Variants in COASY observed in about 807,000 individuals in gnomAD.
The protein encoded by COASY is bifunctional coenzyme A synthase.
COASY carries 31 observed loss-of-function variants against 49.4 expected under a neutral mutation model. The observed-to-expected ratio is 0.63, with a 90% CI of 0.47 to 0.85. The LOEUF is 0.85. Among genes scored for constraint, COASY ranks in the 40% least tolerant of loss-of-function variants. The pLI is 0.00. For missense variants in COASY, 730 were observed against 734.1 expected, an observed-to-expected ratio of 0.99 and a Z score of 0.06; for synonymous variants, 285 against 310.9, an observed-to-expected ratio of 0.92 and a Z score of 0.88.
intron 3 of COASY, 39 bp from the exon 4 acceptor site, chr17:42,564,670 G>A (rs761146097): frequency 2.8e-5 from 43 of 1,530,660 alleles, no homozygotes; most frequent in Non-Finnish European, 3.6e-5. Context: ...TGAGGCTGAG[G>A]GCCCCAGTAA....
intron 1 of COASY, 48 bp from the exon 2 acceptor site, chr17:42,563,913 T>G: frequency 6.7e-7 from 1 of 1,493,984 alleles, no homozygotes. Flanking sequence ...GCCCATACTC[T>G]CCTCCCCAAT....
chr17:42,564,454 G>T lies in COASY; in HGVS notation c.924G>T (p.Glu308Asp), dbSNP rs1350412532. Residue 308 changes from glutamate to aspartate, a missense_variant, in exon 3 of 9, where the codon GAG becomes GAT. Glu to Asp is a conservative substitution (Grantham distance 45). Transcript: ENST00000393818. ...INRFRLENDL[E>D]ELALYQIQLL... ...TTTCCTCTTTACCCCAGGACCTGGA[G>T]GAACTTGCTTTGTACCAGATCCAGC... The T allele has an allele frequency of 1.1e-5, 18 of 1,613,980 alleles. No individual in the cohort carries two copies. Among genetic ancestry groups the T allele is most frequent in the Non-Finnish European group, 1.4e-5 (17 of 1,180,016 alleles).
Position 42,563,310 on chromosome 17 carries a change from G to T in COASY, c.688G>T (p.Asp230Tyr), listed in dbSNP as rs568769350. Residue 230 changes from aspartate to tyrosine, a missense_variant, in exon 1 of 9, where the codon GAT becomes TAT. By Grantham distance (160) the Asp-to-Tyr change is radical (BLOSUM62 -3). Coordinates refer to ENST00000393818, the MANE Select transcript of COASY (RefSeq NM_025233.7). The stretch of plus-strand genomic sequence containing the variant: ...GCTTGTGGTGGGAGTAGCAGACAAA[G>T]ATCTGTTGAAGAGTGAGTAAGAGGG... ...EQLVVGVADKDLLKSKLLPEL... is the reference protein window; with the variant it reads ...EQLVVGVADKYLLKSKLLPEL... 2.7e-5 allele frequency: 43 copies of T among 1,594,398 alleles called. No homozygotes were observed. In the South Asian group the frequency reaches 4.0e-4, roughly 15 times the overall value.
rs1567905539 is a variant in COASY at position 42,564,984 on chromosome 17, T to C, written c.1239T>C (p.Asp413=). Residue 413 remains aspartate (D), a splice_region_variant and synonymous_variant, in exon 5 of 9, where the codon GAT becomes GAC. Transcript: ENST00000393818. The part of the protein sequence containing the change: ...YQPVVEAFGT[D]ILHKDGIINR... ...CAGTTGTCTGTCTGTGTTGTCCAGA[T>C]ATTCTCCATAAAGATGGCATCATCA... is the stretch of plus-strand genomic sequence containing the variant. 6.2e-7 allele frequency: 1 copy of C among 1,614,170 alleles called. No homozygotes were observed. The highest frequency in any genetic ancestry group is 8.5e-7 in the Non-Finnish European group (1 of 1,180,020).
In COASY at chr17:42,566,265, G is replaced by C. The variant is rs145552423; in HGVS notation, c.*297G>C. The stretch of plus-strand genomic sequence containing the variant: ...TGGAACCTGTAACAGAATTAAAGGT[G>C]AATGTTCTGAGATGTTGCTTGTATG... On this transcript the variant is annotated 3_prime_UTR_variant, in exon 9 of 9. Transcript: ENST00000393818. 17 of 446,188 alleles carry C rather than the reference G, an allele frequency of 3.8e-5. No homozygotes were observed. Among genetic ancestry groups the C allele is most frequent in the African/African-American group, 2.4e-4 (12 of 50,658 alleles). 27.6% of individuals were successfully genotyped at this position (446,188 alleles called of 1,614,324 possible).
In COASY at chr17:42,562,793, C is replaced by G. The variant is rs201819803; in HGVS notation, c.171C>G (p.Pro57=). 2.5e-6 allele frequency: 4 copies of G among 1,611,440 alleles called. No individual in the cohort carries two copies. In the East Asian group the frequency reaches 8.9e-5, roughly 36 times the overall value. ...LEGPAQPQSS[P]VQATFEVLDF... ...GCCCGGCTCAGCCCCAGTCCAGCCC[C>G]GTGCAGGCCACGTTTGAGGTTCTTG... Residue 57 remains proline (P), a synonymous_variant, in exon 1 of 9, where the codon CCC becomes CCG. Coordinates refer to ENST00000393818, the MANE Select transcript of COASY (RefSeq NM_025233.7).
chr17:42,564,259 C>T (rs1319998985), intron 2 of COASY, 84 bp downstream of exon 2: 2 of 1,477,742 alleles, frequency 1.4e-6, no homozygotes, highest in African/African-American at 1.4e-5. Context: ...GTACCATGGC[C>T]CCAGAGGAGA....
At chr17:42,564,641 A>C (rs1195135239) in intron 3 of COASY, 64 bp downstream of exon 3, 1 of 1,554,508 alleles carries the variant, frequency 6.4e-7, no homozygotes, top group Non-Finnish European at 8.7e-7. Context: ...GTAGAAGCTG[A>C]GGGGCTCAGC....
At chr17:42,564,405 C>T (rs1433220515) in intron 2 of COASY, 41 bp from the exon 3 acceptor site, 8 of 1,597,836 alleles carry the variant, frequency 5.0e-6, no homozygotes, top group South Asian at 3.3e-5. Context: ...CTTCCTCTCA[C>T]TCCCTCCTTC....
rs1216616276 is a variant in COASY at position 42,562,600 on chromosome 17, G to C, written c.-23G>C. On this transcript the variant is annotated 5_prime_UTR_variant, in exon 1 of 9. Coordinates refer to ENST00000393818, the MANE Select transcript of COASY (RefSeq NM_025233.7). Reference sequence around the variant, plus strand: ...TCAGTCACCGTCGCCTCGTCTCCCTGACTGTCCGCAGGCCTGGGCAGCATG... The same window carrying C: ...TCAGTCACCGTCGCCTCGTCTCCCTCACTGTCCGCAGGCCTGGGCAGCATG... The C allele has an allele frequency of 1.9e-6, 3 of 1,540,480 alleles. No individual in the cohort carries two copies. Among genetic ancestry groups the C allele is most frequent in the East Asian group, 2.3e-5 (1 of 44,288 alleles).
In COASY at chr17:42,565,824, G is replaced by T. The variant is rs762503189; in HGVS notation, c.1632+19G>T. The T allele has an allele frequency of 1.2e-6, 2 of 1,613,922 alleles. No homozygotes were observed. The highest frequency in any genetic ancestry group is 1.7e-6 in the Non-Finnish European group (2 of 1,179,968). On this transcript the variant is annotated intron_variant, in intron 8 of 8. Coordinates refer to ENST00000393818, the MANE Select transcript of COASY (RefSeq NM_025233.7). The stretch of plus-strand genomic sequence containing the variant: ...ACGCCAGGTTGGTGCCCAGGGCAAG[G>T]CCGGGTTGTGGGGAAGGAGTCTCCA...
rs990335147 is a variant in COASY, at chr17:42,564,648, C to T, written c.1048-61C>T. The stretch of plus-strand genomic sequence containing the variant: ...GCTGGAGAGTAGAAGCTGAGGGGCT[C>T]AGCCCCAGGCATGAGGCTGAGGGCC... On this transcript the variant is annotated intron_variant, in intron 3 of 8. Coordinates refer to ENST00000393818, the MANE Select transcript of COASY (RefSeq NM_025233.7). The T allele has an allele frequency of 3.2e-6, 5 of 1,541,740 alleles. No homozygotes were observed. In the African/African-American group the frequency reaches 6.9e-5, roughly 21 times the overall value.
chr17:42,563,922 A>T, intron 1 of COASY, 39 bp from the exon 2 acceptor site: 7 of 1,530,234 alleles, frequency 4.6e-6, no homozygotes, highest in Non-Finnish European at 5.4e-6. Context: ...CTCCTCCCCA[A>T]TAAAAAGATC....
chr17:42,565,400 G>C (rs1006405638), intron 6 of COASY, 71 bp from the exon 7 acceptor site: 299 of 1,607,314 alleles, frequency 1.9e-4, no homozygotes, highest in Non-Finnish European at 2.4e-4. Context: ...GGGACTGTCT[G>C]TTCACCCTGG....
rs573275485 is a variant in COASY, at chr17:42,565,087, G to A, written c.1302+40G>A. 5 of 1,607,854 alleles carry A rather than the reference G, an allele frequency of 3.1e-6. No homozygotes were observed. In the South Asian group the frequency reaches 4.4e-5, roughly 14 times the overall value. On this transcript the variant is annotated intron_variant, in intron 5 of 8. Transcript: ENST00000393818. ...CCTAAGGGCTCCTAAGCCGCTACTA[G>A]ACCCAGGGGTCAGGGTCCAGTGGAC...
chr17:42,565,775 C>T lies in COASY; in HGVS notation c.1602C>T (p.Thr534=). 1.2e-6 allele frequency: 2 copies of T among 1,613,914 alleles called. No homozygotes were observed. The highest frequency in any genetic ancestry group is 1.7e-6 in the Non-Finnish European group (2 of 1,180,034). ...LVEQSHVVLS[T]LWEPHITQRQ... ...AACAGAGCCACGTGGTGCTCAGCAC[C>T]TTGTGGGAGCCGCATATCACCCAAC... The change falls in exon 8 of 9, where the codon ACC becomes ACT. Residue 534 remains threonine, a synonymous_variant. Coordinates refer to ENST00000393818, the MANE Select transcript of COASY (RefSeq NM_025233.7).
Position 42,565,935 on chromosome 17 carries a change from G to T in COASY, c.1662G>T (p.Lys554Asn). ...AGAAAGCCTGGGCCCTCTTGCAGAA[G>T]CGCATTCCCAAGACTCATCAGGCCC... ...QVEKAWALLQ[K>N]RIPKTHQALD Residue 554 changes from lysine (K) to asparagine (N), a missense_variant, in exon 9 of 9, where the codon AAG becomes AAT. By Grantham distance (94) the Lys-to-Asn change is moderately conservative. Transcript: ENST00000393818. 1 of 1,613,904 alleles carries T rather than the reference G, an allele frequency of 6.2e-7. No individual in the cohort carries two copies. The highest frequency in any genetic ancestry group is 8.5e-7 in the Non-Finnish European group (1 of 1,180,018).
At chr17:42,564,687 G>A (rs1254860911) in intron 3 of COASY, 22 bp from the exon 4 acceptor site, 2 of 1,527,706 alleles carry the variant, frequency 1.3e-6, no homozygotes, top group Admixed American at 4.4e-5. Context: ...GTAACTGTGG[G>A]TTCCCTTTCA....
At position 42,564,133 on chromosome 17, in the gene COASY, C is replaced by T; in HGVS notation, c.873C>T (p.Thr291=). The T allele has an allele frequency of 6.2e-7, 1 of 1,614,110 alleles. No homozygotes were observed. Among genetic ancestry groups the T allele is most frequent in the Non-Finnish European group, 8.5e-7 (1 of 1,180,026 alleles). ...AGTTCCTGGTGGTCAGCGAGGAGAC[C>T]TATCGTGGGGGGATGGCCATCAACC... ...SLEFLVVSEE[T]YRGGMAINRF... The change falls in exon 2 of 9, where the codon ACC becomes ACT. Residue 291 remains threonine, a synonymous_variant. Transcript: ENST00000393818.
Sources: gnomAD v4.1 joint callset for allele counts on GRCh38, gnomAD v4.1.1 for gene constraint, MANE v1.5 for transcripts, NCBI Gene and HGNC (gene_info 2026-07-23, HGNC 2026-07-21) for gene names.